Variants in STRN observed in about 807,000 individuals in gnomAD.
STRN encodes striatin.
A neutral mutation model predicts 96.3 loss-of-function variants in STRN; 53 were observed. That is an observed-to-expected ratio of 0.55 (90% CI 0.44 to 0.69). The LOEUF is 0.69. Ranked by LOEUF, STRN falls within the 30% of genes least tolerant of loss-of-function variation. The pLI is 0.00. For synonymous variants in STRN, 428 were observed against 355.9 expected (o/e 1.20, Z -2.28); for missense variants, 987 against 963.9 (o/e 1.02, Z -0.32).
At chr2:36,861,834 T>A (rs1668494226) in intron 12 of STRN, among the ~76,000 whole-genome samples, 1 of 152,130 alleles carries the variant, frequency 6.6e-6, no homozygotes, top group Non-Finnish European at 1.5e-5. Flanking sequence ...ATAAATTGCA[T>A]GCCTTGGCGG....
intron 15 of STRN, among the ~76,000 whole-genome samples, chr2:36,853,704 C>T (rs1448977425): frequency 6.6e-6 from 1 of 152,190 alleles, no homozygotes; most frequent in Non-Finnish European, 1.5e-5. Flanking sequence ...ATATAAAACT[C>T]ACTTTCTCCT....
rs1669248316 is a variant in STRN at position 36,886,946 on chromosome 2, C to G, written c.932-120G>C. 1.1e-5 allele frequency: 7 copies of G among 663,956 alleles called. No individual in the cohort carries two copies. The South Asian group carries it at 1.9e-4, about 18-fold the overall frequency. 41.1% of individuals were successfully genotyped at this position (663,956 alleles called of 1,614,324 possible). A position where few individuals can be genotyped will look rare whatever the true frequency, so the allele number is the denominator to read the frequency against. On this transcript the variant is annotated intron_variant, in intron 7 of 17. Coordinates refer to ENST00000263918, the MANE Select transcript of STRN (RefSeq NM_003162.4). ...ATAGTATCACTAACTTAAAAAAAGT[C>G]AGTTTATTCATTTTATATATATAAG...
intron 2 of STRN, among the ~76,000 whole-genome samples, chr2:36,916,432 G>T (rs138223076): frequency 1.7e-4 from 25 of 151,240 alleles, no homozygotes; most frequent in African/African-American, 5.6e-4. Flanking sequence ...ATAACATCCT[G>T]GTTTCTGTAG....
intron 3 of STRN, among the ~76,000 whole-genome samples, chr2:36,910,614 A>T (rs1408135927): frequency 6.6e-6 from 1 of 152,234 alleles, no homozygotes; most frequent in Non-Finnish European, 1.5e-5. Context: ...TCAGCAAAAG[A>T]GATAAAATTG....
chr2:36,879,590 A>C (rs1392763018), intron 9 of STRN, among the ~76,000 whole-genome samples: 1 of 152,164 alleles, frequency 6.6e-6, no homozygotes, highest in Non-Finnish European at 1.5e-5. Context: ...ACAAAATGTC[A>C]CTCTTTATAA....
chr2:36,918,385 C>A (rs151100997), intron 2 of STRN, among the ~76,000 whole-genome samples: 144 of 152,064 alleles, frequency 9.5e-4, no homozygotes, highest in African/African-American at 3.1e-3. Context: ...CTGAATGTAA[C>A]TAGTCTGAAG....
intron 7 of STRN, among the ~76,000 whole-genome samples, chr2:36,887,637 T>G (rs879382070): frequency 3.3e-5 from 5 of 152,186 alleles, no homozygotes; most frequent in Non-Finnish European, 5.9e-5. Context: ...TTTTGCCATG[T>G]GTTCATTAGT....
intron 1 of STRN, among the ~76,000 whole-genome samples, chr2:36,957,873 C>G (rs1180136533): frequency 6.8e-6 from 1 of 147,678 alleles, no homozygotes; most frequent in African/African-American, 2.5e-5. Context: ...GCCTCAGCCC[C>G]CCGAGTAGCT....
intron 1 of STRN, among the ~76,000 whole-genome samples, chr2:36,950,220 T>TG (rs1553406123): frequency 2.1e-5 from 3 of 145,828 alleles, no homozygotes; most frequent in African/African-American, 5.0e-5. Context: ...TTTGTTTTTT[T>TG]TTTTTTTTTT....
At chr2:36,892,529 A>G (rs2148186541) in intron 7 of STRN, among the ~76,000 whole-genome samples, 1 of 152,350 alleles carries the variant, frequency 6.6e-6, no homozygotes, top group Admixed American at 6.5e-5. Flanking sequence ...CTCAATATTG[A>G]AAAGATAACA....
chr2:36,958,755 TGA>T (rs1437804709), intron 1 of STRN, among the ~76,000 whole-genome samples: 1 of 152,164 alleles, frequency 6.6e-6, no homozygotes, highest in Admixed American at 6.5e-5. Context: ...AGATAGCAAC[TGA>T]GAAATCTGCA....
intron 1 of STRN, among the ~76,000 whole-genome samples, chr2:36,951,370 A>G (rs1456385012): frequency 6.6e-6 from 1 of 152,254 alleles, no homozygotes; most frequent in Non-Finnish European, 1.5e-5. Context: ...TGGCCCAGGC[A>G]ATGCTTTATA....
Position 36,893,953 on chromosome 2 carries a change from A to G in STRN, c.876T>C (p.Val292=). The G allele has an allele frequency of 6.2e-7, 1 of 1,613,754 alleles. No homozygotes were observed. The highest frequency in any genetic ancestry group is 8.5e-7 in the Non-Finnish European group (1 of 1,179,862). ...KEALKEFDFL[V]TSEEGDNESR... Reference sequence around the variant, plus strand: ...ATTCATTGTCTCCTTCCTCTGATGTAACCAAGAAGTCAAACTCCTTTAGAG... The same window carrying G: ...ATTCATTGTCTCCTTCCTCTGATGTGACCAAGAAGTCAAACTCCTTTAGAG... Residue 292 remains valine, a synonymous_variant, in exon 7 of 18, where the codon GTT becomes GTC. Coordinates refer to ENST00000263918, the MANE Select transcript of STRN (RefSeq NM_003162.4).
intron 1 of STRN, among the ~76,000 whole-genome samples, chr2:36,963,921 G>A (rs565188572): frequency 1.3e-5 from 2 of 151,898 alleles, no homozygotes; most frequent in South Asian, 2.1e-4. Flanking sequence ...CCTGGGAGGC[G>A]GAGGTTGCAG....
chr2:36,916,496 TAA>T (rs150467954), intron 2 of STRN, among the ~76,000 whole-genome samples: 7 of 135,930 alleles, frequency 5.1e-5, no homozygotes, highest in African/African-American at 8.1e-5. Flanking sequence ...CAAAAACAGT[TAA>T]AAAAAAAAAA....
intron 6 of STRN, among the ~76,000 whole-genome samples, chr2:36,898,028 T>C (rs1205291056): frequency 4.6e-5 from 7 of 152,152 alleles, no homozygotes; most frequent in Admixed American, 1.3e-4. Context: ...GAAGACAGTA[T>C]ATTTATTATG....
rs1667881800 is a variant in STRN at position 36,838,904 on chromosome 2, A to C, written c.*10552T>G. On this transcript the variant is annotated 3_prime_UTR_variant, in exon 18 of 18. Coordinates refer to ENST00000263918, the MANE Select transcript of STRN (RefSeq NM_003162.4). ...CCCATTTATTTAAAGCAAACTGCCC[A>C]CCAAAATATCTTCTCATTAACGTTA... is the stretch of plus-strand genomic sequence containing the variant. Among the ~76,000 whole-genome samples, 2 of 152,360 alleles carry C rather than the reference A, an allele frequency of 1.3e-5. No homozygotes were observed. The highest frequency in any genetic ancestry group is 4.1e-4 in the South Asian group (2 of 4,822).
Position 36,924,355 on chromosome 2 carries a change from C to CAAA in STRN, c.338+747_338+749dup, listed in dbSNP as rs143310395. 4.1e-3 allele frequency among the ~76,000 whole-genome samples: 423 copies of CAAA among 103,130 alleles called. 9 individuals are homozygous for CAAA. Among genetic ancestry groups the CAAA allele is most frequent in the Middle Eastern group, 0.023 (4 of 176 alleles). 67.7% of individuals were successfully genotyped at this position (103,130 alleles called of 152,430 possible). On this transcript the variant is annotated intron_variant, in intron 2 of 17. Transcript: ENST00000263918. ...TGGGCGACAGAGTGAGACTCCGTTT[C>CAAA]AAAAAAAAAAAAAAAAAAGTCTATA...
At chr2:36,858,144 G>T in intron 13 of STRN, 121 bp from the exon 14 acceptor site, 5 of 696,856 alleles carry the variant, frequency 7.2e-6, no homozygotes, top group Non-Finnish European at 1.1e-5. Context: ...ATGATTCTTG[G>T]TTTCTATTAT....
Sources: gnomAD v4.1 joint callset for allele counts (sites outside exome capture counted in the v4.1 genomes callset) on GRCh38, gnomAD v4.1.1 for gene constraint, MANE v1.5 for transcripts, NCBI Gene and HGNC (gene_info 2026-07-23, HGNC 2026-07-21) for gene names.